The following BEND7 variants were observed in gnomAD, a reference collection of about 807,000 sequenced individuals.
BEND7 encodes the protein BEN domain containing 7, also known as BEN domain-containing protein 7.
Under a neutral mutation model 50.9 loss-of-function variants are expected in BEND7, and 28 were observed. The ratio of observed to expected loss-of-function variants is 0.55; its 90% CI spans 0.41 to 0.75. The LOEUF (loss-of-function observed/expected upper bound fraction) is 0.75, where lower values mean the gene tolerates loss of function less well. BEND7 is among the 30% of genes least tolerant of loss of function. The probability of loss-of-function intolerance (pLI) is 0.00; values close to 1 mark genes in which losing one functional copy is unlikely to be tolerated. For missense variants in BEND7, 477 were observed against 491.3 expected (o/e 0.97, Z 0.28); for synonymous variants, 170 against 183.9 (o/e 0.92, Z 0.61).
chr10:13,492,939 C>T lies in BEND7; in HGVS notation c.572-63G>A, dbSNP rs1246039978. ...TGTCTGACTTAGGAAAACTTATCTC[C>T]GGTCTATCCATGTGATCTACAAACT... On this transcript the variant is annotated intron_variant, in intron 4 of 8. Transcript: ENST00000466271. The T allele has an allele frequency of 8.4e-6, 13 of 1,546,634 alleles. No homozygotes were observed. The East Asian group carries it at 1.1e-4, about 13-fold the overall frequency.
chr10:13,515,708 C>T (rs547465272), intron 2 of BEND7, among the ~76,000 whole-genome samples: 7 of 152,278 alleles, frequency 4.6e-5, no homozygotes, highest in African/African-American at 1.2e-4. Flanking sequence ...GCCTCTCATC[C>T]GCTCCCCCTT....
intron 2 of BEND7, among the ~76,000 whole-genome samples, chr10:13,518,984 T>C (rs2078892827): frequency 6.6e-6 from 1 of 152,180 alleles, no homozygotes; most frequent in Non-Finnish European, 1.5e-5. Flanking sequence ...ACAATTTACA[T>C]TAGGAGCGAT....
intron 2 of BEND7, among the ~76,000 whole-genome samples, chr10:13,515,176 T>C (rs2078575816): frequency 6.6e-6 from 1 of 152,230 alleles, no homozygotes; most frequent in South Asian, 2.1e-4. Flanking sequence ...GACACCTGCA[T>C]TACATTTCAG....
intron 3 of BEND7, among the ~76,000 whole-genome samples, chr10:13,497,102 T>G (rs2077076037): frequency 6.6e-6 from 1 of 152,242 alleles, no homozygotes; most frequent in South Asian, 2.1e-4. Context: ...TTCCATACTG[T>G]AACGTGCGTG....
At chr10:13,449,543 C>T (rs1355693667) in intron 7 of BEND7, among the ~76,000 whole-genome samples, 7 of 152,194 alleles carry the variant, frequency 4.6e-5, no homozygotes, top group Non-Finnish European at 5.9e-5. Flanking sequence ...CGTCTCTTTG[C>T]TATTAATAGT....
chr10:13,500,601 A>G, intron 2 of BEND7: 1 of 986,968 alleles, frequency 1.0e-6, no homozygotes, highest in African/African-American at 1.7e-5. Context: ...AATGTCCTTC[A>G]GGATGACTGG....
At chr10:13,482,467 C>T (rs757397205) in intron 5 of BEND7, among the ~76,000 whole-genome samples, 18 of 152,156 alleles carry the variant, frequency 1.2e-4, no homozygotes, top group Non-Finnish European at 1.8e-4. Flanking sequence ...TGTGAGGATC[C>T]GGGATGAATT....
In BEND7 at chr10:13,441,633, C is replaced by A. The variant is rs1835339793; in HGVS notation, c.*110G>T. 6.3e-7 allele frequency: 1 copy of A among 1,582,672 alleles called. No homozygotes were observed. ...CCTATTTTAACACGGCGAAAGGTCA[C>A]CAATTAATCTTCTCCCTTCCCTTGG... On this transcript the variant is annotated 3_prime_UTR_variant, in exon 9 of 9. Transcript: ENST00000466271.
At chr10:13,501,482 C>T (rs1034756185) in intron 2 of BEND7, among the ~76,000 whole-genome samples, 1 of 151,360 alleles carries the variant, frequency 6.6e-6, no homozygotes, top group African/African-American at 2.4e-5. Context: ...TCTTCTTAAA[C>T]TGTGCATCAG....
At chr10:13,461,892 AACC>A (rs1840283684) in intron 6 of BEND7, among the ~76,000 whole-genome samples, 1 of 152,144 alleles carries the variant, frequency 6.6e-6, no homozygotes, top group Non-Finnish European at 1.5e-5. Context: ...GATGCCTTGA[AACC>A]TGGGCCACAA....
At chr10:13,505,318 T>C (rs2077791731) in intron 2 of BEND7, among the ~76,000 whole-genome samples, 1 of 152,216 alleles carries the variant, frequency 6.6e-6, no homozygotes, top group South Asian at 2.1e-4. Flanking sequence ...ACTGTGCAGA[T>C]ATGCCACAGT....
chr10:13,492,302 C>G (rs922884570), intron 5 of BEND7, among the ~76,000 whole-genome samples: 8 of 152,026 alleles, frequency 5.3e-5, no homozygotes, highest in African/African-American at 1.9e-4. Flanking sequence ...TCTTTTAGGT[C>G]TCTACACTAA....
chr10:13,440,721 TG>T (rs1350020912), downstream of BEND7, among the ~76,000 whole-genome samples: 2 of 152,240 alleles, frequency 1.3e-5, no homozygotes, highest in Non-Finnish European at 2.9e-5. Flanking sequence ...CGGAGAAGAT[TG>T]ATTTGTCCGT....
chr10:13,480,048 TC>T (rs1354352786), intron 6 of BEND7, among the ~76,000 whole-genome samples: 1 of 152,330 alleles, frequency 6.6e-6, no homozygotes, highest in South Asian at 2.1e-4. Context: ...TATCCGTTAT[TC>T]CAGTTTTAAG....
chr10:13,512,077 G>A (rs1365788144), intron 2 of BEND7, among the ~76,000 whole-genome samples: 1 of 152,204 alleles, frequency 6.6e-6, no homozygotes, highest in Non-Finnish European at 1.5e-5. Flanking sequence ...CATCTTTACA[G>A]ATTCTGACTT....
Position 13,452,579 on chromosome 10 carries a change from A to T in BEND7, c.1143T>A (p.Asp381Glu). ...GPRDWVQILQ[D>E]QIKLARRRLK... ...ACCTTCTTCTGGCCAGTTTAATTTG[A>T]TCCTGTAGAATCTGTACCCAATCTC... The change falls in exon 7 of 9, where the codon GAT becomes GAA. Residue 381 changes from aspartate to glutamate, a missense_variant. Physicochemically the swap from Asp to Glu is conservative, Grantham distance 45. This residue lies in a region of BEND7 where 64 missense variants were observed against 68.5 expected (regional missense o/e 0.93). Coordinates refer to ENST00000466271, the MANE Select transcript of BEND7 (RefSeq NM_001369863.1). 6.2e-7 allele frequency: 1 copy of T among 1,613,528 alleles called. No homozygotes were observed. The highest frequency in any genetic ancestry group is 8.5e-7 in the Non-Finnish European group (1 of 1,179,676).
At position 13,450,895 on chromosome 10, in the gene BEND7, T is replaced by C. The variant is rs149724803; in HGVS notation, c.1183+1644A>G. ...ATAGAAATGAGACATGGTTAGGGGA[T>C]GTGTTCCCTGGCCAGTCTGCTTGGG... On this transcript the variant is annotated intron_variant, in intron 7 of 8. Coordinates refer to ENST00000466271, the MANE Select transcript of BEND7 (RefSeq NM_001369863.1). Among the ~76,000 whole-genome samples the C allele has an allele frequency of 3.9e-5, 6 of 151,960 alleles. No individual in the cohort carries two copies. In the East Asian group the frequency reaches 1.2e-3, roughly 29 times the overall value.
At chr10:13,464,969 G>A (rs1326898612) in intron 6 of BEND7, among the ~76,000 whole-genome samples, 2 of 152,312 alleles carry the variant, frequency 1.3e-5, no homozygotes, top group East Asian at 3.9e-4. Flanking sequence ...TCTCAACTGA[G>A]ACGTGACCTT....
At chr10:13,510,137 A>T (rs369803617) in intron 2 of BEND7, among the ~76,000 whole-genome samples, 4 of 152,238 alleles carry the variant, frequency 2.6e-5, no homozygotes, top group African/African-American at 4.8e-5. Context: ...TCAATAAAGA[A>T]GATGATGAAT....
Sources: gnomAD v4.1 joint callset for allele counts (sites outside exome capture counted in the v4.1 genomes callset) on GRCh38, gnomAD v4.1.1 for gene constraint, gnomAD v4.1.1 regional missense constraint, MANE v1.5 for transcripts, NCBI Gene and HGNC (gene_info 2026-07-23, HGNC 2026-07-21) for gene names.